MAML3: variants seen among roughly 807,000 people sequenced by gnomAD.
The protein encoded by MAML3 is mastermind-like protein 3.
Under a neutral mutation model 101.9 loss-of-function variants are expected in MAML3, and 27 were observed. That is an observed-to-expected ratio of 0.27 (90% CI 0.20 to 0.37). MAML3 has a LOEUF of 0.37. MAML3 is among the 10% of genes least tolerant of loss of function. The pLI is 1.00. For synonymous variants in MAML3, 501 were observed against 555.9 expected (o/e 0.90, Z 1.39); for missense variants, 1,316 against 1,444.9 (o/e 0.91, Z 1.45).
rs1443934072 is a variant in MAML3 at position 139,889,299 on chromosome 4, C to T, written c.2079+58G>A. On this transcript the variant is annotated intron_variant, in intron 2 of 4. Transcript: ENST00000509479. ...TGGAAGCTTGTAGAACATCACACAT[C>T]GACAGTCTGAAATGCACCACAAGAA... 6.2e-6 allele frequency: 10 copies of T among 1,613,178 alleles called. No individual in the cohort carries two copies. In the East Asian group the frequency reaches 6.7e-5, roughly 11 times the overall value.
rs1213093407 is a variant in MAML3, at chr4:139,843,411, T to A, written c.2079+45946A>T. ...TGATATATCACAATTTTAGATTTAC[T>A]ACCTAGTCCCAATACAGGGAATTAG... On this transcript the variant is annotated intron_variant, in intron 2 of 4. Transcript: ENST00000509479. 2.6e-5 allele frequency among the ~76,000 whole-genome samples: 4 copies of A among 152,226 alleles called. No individual in the cohort carries two copies. The East Asian group carries it at 7.7e-4, about 29-fold the overall frequency.
At chr4:139,907,547 T>C (rs1397743344) in intron 1 of MAML3, among the ~76,000 whole-genome samples, 2 of 152,228 alleles carry the variant, frequency 1.3e-5, no homozygotes, top group Admixed American at 1.3e-4. Context: ...TTATCTTTTA[T>C]AAAAATGCCA....
chr4:140,072,180 G>A (rs79087317), intron 1 of MAML3, among the ~76,000 whole-genome samples: 5,147 of 152,158 alleles, frequency 0.034, 199 homozygotes, highest in African/African-American at 0.096. Flanking sequence ...TCAGCCCTCC[G>A]TATTCATGGA....
intron 4 of MAML3, among the ~76,000 whole-genome samples, chr4:139,721,284 G>T (rs1478423607): frequency 2.0e-5 from 3 of 152,176 alleles, no homozygotes; most frequent in Non-Finnish European, 4.4e-5. Flanking sequence ...TTTCCAAACA[G>T]CCAAGGGAAT....
At chr4:139,998,573 A>T (rs912811611) in intron 1 of MAML3, among the ~76,000 whole-genome samples, 1 of 152,194 alleles carries the variant, frequency 6.6e-6, no homozygotes, top group African/African-American at 2.4e-5. Flanking sequence ...AAAGTCCAAC[A>T]TCTGGGGACA....
intron 1 of MAML3, among the ~76,000 whole-genome samples, chr4:139,902,512 G>A (rs1485010056): frequency 2.0e-5 from 3 of 152,134 alleles, no homozygotes; most frequent in Admixed American, 1.3e-4. Flanking sequence ...TTTTCTCTCC[G>A]GGATGAATCC....
intron 2 of MAML3, among the ~76,000 whole-genome samples, chr4:139,771,296 G>C (rs965858887): frequency 6.6e-6 from 1 of 152,204 alleles, no homozygotes; most frequent in Admixed American, 6.5e-5. Flanking sequence ...TCCTAAGACT[G>C]AGCCTCATGT....
At position 139,720,278 on chromosome 4, in the gene MAML3, T is replaced by C. The variant is rs763765311; in HGVS notation, c.2462A>G (p.Gln821Arg). The change falls in exon 5 of 5, where the codon CAG (glutamine) becomes CGG (arginine). Residue 821 changes from glutamine to arginine, a missense_variant. Physicochemically the swap from Gln to Arg is conservative, Grantham distance 43 (BLOSUM62 1). Coordinates refer to ENST00000509479, the MANE Select transcript of MAML3 (RefSeq NM_018717.5). ...CATCAGCCGTGACGTTCGCATGCTC[T>C]GGAGGGCTGCTTGGCTTCTTACGGC... ...IAAVRSQAALQSMRTSRLMAQ... is the reference protein window; with the variant it reads ...IAAVRSQAALRSMRTSRLMAQ... 11 of 1,571,946 alleles carry C rather than the reference T, an allele frequency of 7.0e-6. No homozygotes were observed. Among genetic ancestry groups the C allele is most frequent in the Non-Finnish European group, 9.5e-6 (11 of 1,156,260 alleles).
rs202191651 is a variant in MAML3 at position 139,742,133 on chromosome 4, ACTTTT to A, written c.2080-11471_2080-11467del. 5.6e-4 allele frequency among the ~76,000 whole-genome samples: 81 copies of A among 145,558 alleles called. 3 individuals carry two copies. The highest frequency in any genetic ancestry group is 7.8e-4 in the Non-Finnish European group (52 of 67,038). The stretch of plus-strand genomic sequence containing the variant: ...AAATCATCCTCTCTACAGATCTTAA[ACTTTT>A]CTTTTCTTTTCTTTTTTTTTTTTTT... On this transcript the variant is annotated intron_variant, in intron 2 of 4. Coordinates refer to ENST00000509479, the MANE Select transcript of MAML3 (RefSeq NM_018717.5).
intron 2 of MAML3, among the ~76,000 whole-genome samples, chr4:139,847,474 T>C (rs974563728): frequency 2.6e-5 from 4 of 152,194 alleles, no homozygotes; most frequent in African/African-American, 9.7e-5. Flanking sequence ...TTGGGACCGC[T>C]CAGTTCATAG....
At chr4:139,765,114 G>A (rs189866415) in intron 2 of MAML3, among the ~76,000 whole-genome samples, 49 of 152,336 alleles carry the variant, frequency 3.2e-4, no homozygotes, top group Non-Finnish European at 4.7e-4. Flanking sequence ...AACAGCTGCC[G>A]TTTGGGCTGC....
intron 4 of MAML3, among the ~76,000 whole-genome samples, chr4:139,725,260 G>A (rs1332411594): frequency 2.0e-5 from 3 of 152,184 alleles, no homozygotes; most frequent in Non-Finnish European, 4.4e-5. Flanking sequence ...AGTGGTTGTT[G>A]CAAGCCAGAT....
intron 2 of MAML3, among the ~76,000 whole-genome samples, chr4:139,887,528 A>G (rs571963895): frequency 4.6e-5 from 7 of 152,238 alleles, no homozygotes; most frequent in Non-Finnish European, 7.3e-5. Context: ...AGGCAGGCAT[A>G]AGGACCTCAA....
At chr4:139,919,324 C>A (rs1733081788) in intron 1 of MAML3, among the ~76,000 whole-genome samples, 1 of 152,190 alleles carries the variant, frequency 6.6e-6, no homozygotes, top group African/African-American at 2.4e-5. Context: ...AAGTTTTATT[C>A]ATGGCAAATG....
intron 1 of MAML3, among the ~76,000 whole-genome samples, chr4:139,921,550 G>A (rs141634300): frequency 4.2e-4 from 64 of 152,144 alleles, no homozygotes; most frequent in African/African-American, 1.4e-3. Flanking sequence ...CGTTAACGCC[G>A]ATCTGTGGGG....
chr4:140,091,323 T>G (rs1483590129), intron 1 of MAML3, among the ~76,000 whole-genome samples: 1 of 152,058 alleles, frequency 6.6e-6, no homozygotes, highest in Non-Finnish European at 1.5e-5. Context: ...AGAGAGGGGC[T>G]GAGCTTCTCC....
rs199555401 is a variant in MAML3 at position 139,861,478 on chromosome 4, TG to T, written c.2079+27878del. On this transcript the variant is annotated intron_variant, in intron 2 of 4. Transcript: ENST00000509479. ...GATGTATGAATGTCTAACCAGCCGATGTGTGTGTGTGTGTGTGTGTGTGTGT... is the reference window on the plus strand; with the variant it reads ...GATGTATGAATGTCTAACCAGCCGATTGTGTGTGTGTGTGTGTGTGTGTGT... Among the ~76,000 whole-genome samples, 10 of 5,206 alleles carry T rather than the reference TG, an allele frequency of 1.9e-3. No homozygotes were observed. The African/African-American group carries it at 0.032, about 16-fold the overall frequency. 3.4% of individuals were successfully genotyped at this position (5,206 alleles called of 152,430 possible).
chr4:139,744,270 G>A (rs896636260), intron 2 of MAML3, among the ~76,000 whole-genome samples: 9 of 152,206 alleles, frequency 5.9e-5, no homozygotes, highest in African/African-American at 9.6e-5. Context: ...TTCAAGCTGT[G>A]CAGCATTGCA....
rs899640178 is a variant in MAML3 at position 139,735,417 on chromosome 4, G to C, written c.2080-4750C>G. On this transcript the variant is annotated intron_variant, in intron 2 of 4. Coordinates refer to ENST00000509479, the MANE Select transcript of MAML3 (RefSeq NM_018717.5). The surrounding 1 kb of genome is among the most constrained non-coding windows in gnomAD (Gnocchi z 5.8). ...GTGGGGGAGGGCGCGGGAAGGGGAC[G>C]TGGAGGGAAACGGAAGGGCTGGGAG... Among the ~76,000 whole-genome samples the C allele has an allele frequency of 3.3e-5, 5 of 151,806 alleles. No homozygotes were observed. Among genetic ancestry groups the C allele is most frequent in the Admixed American group, 2.0e-4 (3 of 15,256 alleles).
Sources: allele counts gnomAD v4.1 joint callset (sites outside exome capture counted in the v4.1 genomes callset), GRCh38; gene constraint gnomAD v4.1.1; non-coding constraint Gnocchi (gnomAD v3.1); transcripts MANE v1.5; gene names NCBI Gene and HGNC (gene_info 2026-07-23, HGNC 2026-07-21).